BMPR1B: variants seen among roughly 807,000 people sequenced by gnomAD.
BMPR1B encodes bone morphogenetic protein receptor type 1B, also known as bone morphogenetic protein receptor type-1B.
Under a neutral mutation model 59.1 loss-of-function variants are expected in BMPR1B, and 12 were observed. That is an observed-to-expected ratio of 0.20 (90% CI 0.13 to 0.33). The LOEUF (loss-of-function observed/expected upper bound fraction) is 0.33. Ranked by LOEUF, BMPR1B falls within the 10% of genes least tolerant of loss-of-function variation. BMPR1B has a pLI of 1.00. For synonymous variants in BMPR1B, 237 were observed against 207.3 expected, an observed-to-expected ratio of 1.14 and a Z score of -1.23; for missense variants, 550 against 610.9, an observed-to-expected ratio of 0.90 and a Z score of 1.05.
intron 2 of BMPR1B, among the ~76,000 whole-genome samples, chr4:94,974,420 T>C (rs1730932580): frequency 6.6e-6 from 1 of 152,166 alleles, no homozygotes; most frequent in Non-Finnish European, 1.5e-5. Flanking sequence ...CTGCAGCCCT[T>C]GTCAGACTAG....
chr4:95,110,330 C>T (rs951625501), intron 4 of BMPR1B, among the ~76,000 whole-genome samples: 6 of 151,802 alleles, frequency 4.0e-5, no homozygotes, highest in African/African-American at 1.5e-4. Context: ...AAATCTTGTA[C>T]CTCATAGAAA....
intron 3 of BMPR1B, among the ~76,000 whole-genome samples, chr4:95,092,035 T>C (rs1194417170): frequency 6.6e-6 from 1 of 152,106 alleles, no homozygotes; most frequent in Non-Finnish European, 1.5e-5. Flanking sequence ...GTGAATTCTT[T>C]TACTATTAAT....
chr4:94,892,977 C>T (rs1727457192), intron 2 of BMPR1B, among the ~76,000 whole-genome samples: 1 of 151,924 alleles, frequency 6.6e-6, no homozygotes. Context: ...ATCAGTCCTG[C>T]AGGGTTTTCA....
intron 6 of BMPR1B, among the ~76,000 whole-genome samples, chr4:95,116,419 G>GCACACA (rs1168592798): frequency 0.014 from 721 of 51,032 alleles, 2 homozygotes; most frequent in African/African-American, 0.022. Context: ...CTTTCAGCGC[G>GCACACA]CGCACACACA....
chr4:94,926,510 G>A (rs908035419), intron 2 of BMPR1B, among the ~76,000 whole-genome samples: 3 of 152,078 alleles, frequency 2.0e-5, no homozygotes, highest in Non-Finnish European at 2.9e-5. Flanking sequence ...GAGTTCAGAT[G>A]CATCTGTCAT....
In BMPR1B at chr4:94,800,499, A is replaced by G. The variant is rs1723366436; in HGVS notation, c.-183+42431A>G. Among the ~76,000 whole-genome samples, 4 of 149,874 alleles carry G rather than the reference A, an allele frequency of 2.7e-5. No individual in the cohort carries two copies. The South Asian group carries it at 8.5e-4, about 32-fold the overall frequency. ...CAAGTGGCCTTTTAGTGAAAAAGAC[A>G]AGGACTGTTAAGCACCTAATATGAG... On this transcript the variant is annotated intron_variant, in intron 1 of 12. Coordinates refer to ENST00000515059, the MANE Select transcript of BMPR1B (RefSeq NM_001203.3).
chr4:94,917,314 G>A (rs2149019392), intron 2 of BMPR1B, among the ~76,000 whole-genome samples: 1 of 152,274 alleles, frequency 6.6e-6, no homozygotes, highest in African/African-American at 2.4e-5. Flanking sequence ...TAGATCCACT[G>A]GCAGCTTGCA....
At chr4:94,775,031 T>A (rs961826552) in intron 1 of BMPR1B, among the ~76,000 whole-genome samples, 1 of 152,196 alleles carries the variant, frequency 6.6e-6, no homozygotes, top group African/African-American at 2.4e-5. Flanking sequence ...AATTCTCTTC[T>A]GTATTTTGAC....
intron 1 of BMPR1B, among the ~76,000 whole-genome samples, chr4:94,839,650 G>A (rs2148932892): frequency 1.4e-5 from 2 of 145,628 alleles, no homozygotes; most frequent in South Asian, 2.3e-4. Context: ...GAGCCTATGT[G>A]TGTCTCTGCA....
chr4:94,834,264 C>G (rs1724712288), intron 1 of BMPR1B, among the ~76,000 whole-genome samples: 1 of 152,116 alleles, frequency 6.6e-6, no homozygotes, highest in Non-Finnish European at 1.5e-5. Flanking sequence ...AAGTTGGAAG[C>G]CAAGGCTTCT....
chr4:95,136,222 T>A (rs760349569), intron 10 of BMPR1B, among the ~76,000 whole-genome samples: 5 of 152,114 alleles, frequency 3.3e-5, no homozygotes, highest in African/African-American at 1.2e-4. Flanking sequence ...CATTGATTTG[T>A]GTATGTTGAA....
intron 1 of BMPR1B, among the ~76,000 whole-genome samples, chr4:94,855,541 C>T (rs1008043462): frequency 2.6e-5 from 4 of 152,098 alleles, no homozygotes; most frequent in Non-Finnish European, 4.4e-5. Context: ...ATAACATGTA[C>T]GTAACAAAAA....
chr4:95,051,406 C>A (rs988953337), intron 3 of BMPR1B, among the ~76,000 whole-genome samples: 2 of 152,250 alleles, frequency 1.3e-5, no homozygotes, highest in South Asian at 2.1e-4. Flanking sequence ...GAAGCCCCGG[C>A]GTGTGCTAGC....
intron 3 of BMPR1B, among the ~76,000 whole-genome samples, chr4:95,028,113 G>T (rs1217586668): frequency 6.6e-6 from 1 of 152,142 alleles, no homozygotes; most frequent in African/African-American, 2.4e-5. Flanking sequence ...CACTCTGAGG[G>T]CTCATGCTGG....
chr4:94,985,041 C>G (rs1384956067), intron 2 of BMPR1B, among the ~76,000 whole-genome samples: 1 of 152,108 alleles, frequency 6.6e-6, no homozygotes, highest in Non-Finnish European at 1.5e-5. Flanking sequence ...GTGGCACTTC[C>G]TGTGAACAGA....
chr4:94,907,674 A>G (rs1578788317), intron 2 of BMPR1B, among the ~76,000 whole-genome samples: 1 of 152,012 alleles, frequency 6.6e-6, no homozygotes, highest in African/African-American at 2.4e-5. Context: ...TGTTGTTATC[A>G]TGTGTGTATC....
At chr4:94,972,278 T>C (rs1730824228) in intron 2 of BMPR1B, among the ~76,000 whole-genome samples, 1 of 148,488 alleles carries the variant, frequency 6.7e-6, no homozygotes, top group African/African-American at 2.6e-5. Context: ...AGCTGTAACA[T>C]TAGCTAACTT....
chr4:95,147,793 A>G (rs767565728), intron 10 of BMPR1B, among the ~76,000 whole-genome samples: 1 of 152,140 alleles, frequency 6.6e-6, no homozygotes, highest in Admixed American at 6.5e-5. Flanking sequence ...GCCTAGTACC[A>G]TGTTGGCAGG....
intron 1 of BMPR1B, among the ~76,000 whole-genome samples, chr4:94,872,587 T>G (rs2148969107): frequency 6.6e-6 from 1 of 152,286 alleles, no homozygotes; most frequent in Middle Eastern, 3.4e-3. Flanking sequence ...TTTCTTTTAT[T>G]ATCAAAGAAA....
Sources: gnomAD v4.1 joint callset for allele counts (sites outside exome capture counted in the v4.1 genomes callset) on GRCh38, gnomAD v4.1.1 for gene constraint, MANE v1.5 for transcripts, NCBI Gene and HGNC (gene_info 2026-07-23, HGNC 2026-07-21) for gene names.